Variants in DCAF6 observed in about 807,000 individuals in gnomAD.
DCAF6 encodes the protein DDB1- and CUL4-associated factor 6.
In DCAF6, 54 loss-of-function variants were observed where a neutral mutation model predicts 125.1. The ratio of observed to expected loss-of-function variants is 0.43; its 90% CI spans 0.35 to 0.54. The LOEUF (loss-of-function observed/expected upper bound fraction) is 0.54. DCAF6 is among the 20% of genes least tolerant of loss of function. The pLI is 0.01. For synonymous variants in DCAF6, 371 were observed against 390.4 expected (o/e 0.95, Z 0.58); for missense variants, 934 against 1,161.7 (o/e 0.80, Z 2.85).
chr1:168,063,345 GC>G (rs1431395585), intron 17 of DCAF6, among the ~76,000 whole-genome samples: 1 of 152,022 alleles, frequency 6.6e-6, no homozygotes, highest in Non-Finnish European at 1.5e-5. Context: ...TTATAAAATA[GC>G]CCTTTAAAAA....
the DCAF6 span, among the ~76,000 whole-genome samples, chr1:167,928,795 A>G: frequency 1.3e-5 from 2 of 152,230 alleles, no homozygotes; most frequent in Admixed American, 1.3e-4. Flanking sequence ...ATAAACTAAC[A>G]GATACCTGGC....
chr1:167,940,732 C>T (rs906424195), intron 1 of DCAF6, among the ~76,000 whole-genome samples: 3 of 152,066 alleles, frequency 2.0e-5, no homozygotes, highest in African/African-American at 4.8e-5. Context: ...CTTGTTTCTA[C>T]TCATATTTCT....
the DCAF6 span, among the ~76,000 whole-genome samples, chr1:167,863,894 C>G: frequency 1.3e-5 from 2 of 152,246 alleles, no homozygotes; most frequent in Admixed American, 6.5e-5. Flanking sequence ...ATGGCCTGAT[C>G]ACCCACGGCG....
the DCAF6 span, among the ~76,000 whole-genome samples, chr1:167,873,396 A>G: frequency 2.6e-3 from 400 of 152,262 alleles, no homozygotes; most frequent in African/African-American, 9.3e-3. Context: ...GGCTCTGCTG[A>G]CACCAAGATT....
intron 1 of DCAF6, among the ~76,000 whole-genome samples, chr1:167,943,524 C>T (rs930061125): frequency 6.6e-6 from 1 of 151,978 alleles, no homozygotes; most frequent in South Asian, 2.1e-4. Flanking sequence ...TTTATTTTTA[C>T]TTTTTATTTG....
chr1:168,008,505 A>G (rs550566222), intron 10 of DCAF6, among the ~76,000 whole-genome samples: 1 of 152,172 alleles, frequency 6.6e-6, no homozygotes, highest in African/African-American at 2.4e-5. Context: ...TTGTCTCCTA[A>G]TTAATCTGCC....
the DCAF6 span, among the ~76,000 whole-genome samples, chr1:167,890,095 C>T: frequency 9.2e-5 from 14 of 152,244 alleles, no homozygotes; most frequent in East Asian, 2.7e-3. Flanking sequence ...TCATGTTTTC[C>T]TGGATGGTCT....
intron 2 of DCAF6, among the ~76,000 whole-genome samples, chr1:167,963,328 A>G (rs1319533691): frequency 6.6e-6 from 1 of 151,444 alleles, no homozygotes; most frequent in East Asian, 1.9e-4. Context: ...TTACTGGTAT[A>G]GTTGGATTAA....
intron 3 of DCAF6, among the ~76,000 whole-genome samples, chr1:167,969,875 C>T (rs892302793): frequency 2.0e-5 from 3 of 152,216 alleles, no homozygotes; most frequent in Admixed American, 2.0e-4. Context: ...CTCCCAGATT[C>T]AAGAGTTTCT....
At chr1:167,967,236 G>A (rs1557903274) in intron 3 of DCAF6, among the ~76,000 whole-genome samples, 1 of 152,134 alleles carries the variant, frequency 6.6e-6, no homozygotes, top group African/African-American at 2.4e-5. Context: ...AATGACTGCG[G>A]TGTGAATAGT....
the DCAF6 span, among the ~76,000 whole-genome samples, chr1:167,887,239 A>T: frequency 6.6e-6 from 1 of 152,228 alleles, no homozygotes; most frequent in Non-Finnish European, 1.5e-5. Context: ...ATAAAGACAC[A>T]TGCACATGTA....
At chr1:168,072,799 A>T (rs1030484408) in intron 21 of DCAF6, among the ~76,000 whole-genome samples, 1 of 152,146 alleles carries the variant, frequency 6.6e-6, no homozygotes, top group African/African-American at 2.4e-5. Flanking sequence ...TCCATTGGGA[A>T]ATTTTTTTCT....
At chr1:167,881,796 G>T in the DCAF6 span, among the ~76,000 whole-genome samples, 1 of 152,344 alleles carries the variant, frequency 6.6e-6, no homozygotes, top group East Asian at 1.9e-4. Context: ...TTGGAGCCAT[G>T]TCTGCAAGAC....
At chr1:168,072,842 G>C (rs1051035473) in intron 21 of DCAF6, among the ~76,000 whole-genome samples, 5 of 152,022 alleles carry the variant, frequency 3.3e-5, no homozygotes, top group Non-Finnish European at 7.4e-5. Flanking sequence ...AGCAAACTCA[G>C]TGTCTCTTCA....
chr1:167,888,813 G>T, the DCAF6 span, among the ~76,000 whole-genome samples: 3 of 134,596 alleles, frequency 2.2e-5, no homozygotes, highest in African/African-American at 3.5e-5. Context: ...GAGGCGGAGC[G>T]TGCAGTGAGC....
intron 10 of DCAF6, among the ~76,000 whole-genome samples, chr1:168,013,090 A>C (rs1684515059): frequency 6.6e-6 from 1 of 152,200 alleles, no homozygotes; most frequent in Non-Finnish European, 1.5e-5. Flanking sequence ...ATGGCTGTAT[A>C]ATAATGCTTT....
chr1:167,899,273 A>G, the DCAF6 span: 1 of 774,666 alleles, frequency 1.3e-6, no homozygotes, highest in Non-Finnish European at 2.2e-6. Flanking sequence ...GCTGCCCTGG[A>G]CTAAAGCCTC....
chr1:167,881,275 T>TA, the DCAF6 span, among the ~76,000 whole-genome samples: 12 of 152,188 alleles, frequency 7.9e-5, no homozygotes, highest in Admixed American at 3.3e-4. Flanking sequence ...ATTAGTCACT[T>TA]AAAAAATGAC....
intron 1 of DCAF6, among the ~76,000 whole-genome samples, chr1:167,951,121 C>G (rs192510282): frequency 7.1e-4 from 108 of 152,302 alleles, no homozygotes; most frequent in African/African-American, 2.5e-3. Context: ...TTTCTCCTCT[C>G]ATAAGCAGGC....
Sources: gnomAD v4.1 joint callset for allele counts (sites outside exome capture counted in the v4.1 genomes callset) on GRCh38, gnomAD v4.1.1 for gene constraint, MANE v1.5 for transcripts, NCBI Gene and HGNC (gene_info 2026-07-23, HGNC 2026-07-21) for gene names.